FSTL5: variants seen among roughly 807,000 people sequenced by gnomAD.
FSTL5 encodes follistatin like 5.
Under a neutral mutation model 89.1 loss-of-function variants are expected in FSTL5, and 62 were observed. The ratio of observed to expected loss-of-function variants is 0.70; its 90% CI spans 0.57 to 0.86. The LOEUF (loss-of-function observed/expected upper bound fraction) is 0.86, where lower values mean the gene tolerates loss of function less well. FSTL5 is among the 40% of genes least tolerant of loss of function. The pLI, the probability that FSTL5 is intolerant of heterozygous loss-of-function variation, is 0.00. For synonymous variants in FSTL5, 383 were observed against 346.2 expected, an observed-to-expected ratio of 1.11 and a Z score of -1.18; for missense variants, 1,057 against 1,001.6, an observed-to-expected ratio of 1.06 and a Z score of -0.75.
At chr4:161,536,451 A>G (rs1301703571) in intron 10 of FSTL5, among the ~76,000 whole-genome samples, 1 of 152,142 alleles carries the variant, frequency 6.6e-6, no homozygotes, top group Non-Finnish European at 1.5e-5. Context: ...GTTATACAGA[A>G]TTCTGGCATT....
intron 2 of FSTL5, among the ~76,000 whole-genome samples, chr4:162,104,679 G>A (rs951389014): frequency 1.3e-4 from 20 of 152,158 alleles, no homozygotes; most frequent in Admixed American, 6.5e-5. Context: ...CGCTACTACT[G>A]TGAAGAATGA....
intron 7 of FSTL5, among the ~76,000 whole-genome samples, chr4:161,618,307 C>A (rs1452331159): frequency 7.3e-6 from 1 of 136,266 alleles, no homozygotes; most frequent in Admixed American, 7.8e-5. Context: ...TAATTGAATA[C>A]CTTTTATTTC....
chr4:161,509,447 C>A (rs1643658429), intron 11 of FSTL5, among the ~76,000 whole-genome samples: 1 of 151,558 alleles, frequency 6.6e-6, no homozygotes, highest in Non-Finnish European at 1.5e-5. Context: ...TTTAATAAAC[C>A]CAGGTTTTAA....
intron 4 of FSTL5, among the ~76,000 whole-genome samples, chr4:161,829,928 C>T (rs539321317): frequency 6.8e-4 from 104 of 152,038 alleles, no homozygotes; most frequent in African/African-American, 2.0e-3. Context: ...GAAAGAGCAA[C>T]CCTTAAGTTT....
At chr4:161,590,116 C>A (rs949595926) in intron 7 of FSTL5, among the ~76,000 whole-genome samples, 1 of 152,106 alleles carries the variant, frequency 6.6e-6, no homozygotes, top group Non-Finnish European at 1.5e-5. Flanking sequence ...ATATTAAAAT[C>A]TTTTGCTGCT....
intron 13 of FSTL5, among the ~76,000 whole-genome samples, chr4:161,465,784 T>A (rs1225598599): frequency 6.6e-6 from 1 of 152,206 alleles, no homozygotes; most frequent in Admixed American, 6.5e-5. Flanking sequence ...ATATTGGAAA[T>A]TTCTCTCCTA....
intron 12 of FSTL5, among the ~76,000 whole-genome samples, chr4:161,483,226 C>T (rs377445059): frequency 2.6e-5 from 4 of 152,036 alleles, no homozygotes; most frequent in East Asian, 1.9e-4. Flanking sequence ...ATCTATTTTG[C>T]GAGAAACAAA....
intron 3 of FSTL5, among the ~76,000 whole-genome samples, chr4:162,004,217 C>A (rs1221253875): frequency 1.3e-5 from 2 of 152,182 alleles, no homozygotes; most frequent in Non-Finnish European, 2.9e-5. Flanking sequence ...TCTCTTTAAA[C>A]ATTTTCCTCC....
chr4:161,984,306 A>T (rs1051995915), intron 3 of FSTL5, among the ~76,000 whole-genome samples: 1 of 151,990 alleles, frequency 6.6e-6, no homozygotes, highest in Admixed American at 6.6e-5. Flanking sequence ...TCTGCTATAG[A>T]TCTTTGCTTT....
At chr4:161,698,679 A>G (rs553507144) in intron 6 of FSTL5, among the ~76,000 whole-genome samples, 2 of 152,336 alleles carry the variant, frequency 1.3e-5, no homozygotes, top group South Asian at 4.1e-4. Flanking sequence ...CTGTAATCCC[A>G]GCACTTTGGG....
chr4:161,898,587 T>G (rs1201616247), intron 4 of FSTL5, among the ~76,000 whole-genome samples: 2 of 152,008 alleles, frequency 1.3e-5, no homozygotes, highest in Non-Finnish European at 2.9e-5. Context: ...AATGAAAAAT[T>G]TTCAGTCTCT....
intron 3 of FSTL5, among the ~76,000 whole-genome samples, chr4:161,981,596 C>T (rs1735829045): frequency 1.3e-5 from 2 of 152,114 alleles, no homozygotes. Context: ...GGGCATTATA[C>T]TTTCTTGTGT....
chr4:161,581,345 C>T (rs1383262028), intron 8 of FSTL5, among the ~76,000 whole-genome samples: 1 of 152,208 alleles, frequency 6.6e-6, no homozygotes, highest in African/African-American at 2.4e-5. Flanking sequence ...TAGCTTCTCA[C>T]TCTCTCATTT....
intron 6 of FSTL5, among the ~76,000 whole-genome samples, chr4:161,675,029 C>T (rs1737254339): frequency 6.6e-6 from 1 of 151,824 alleles, no homozygotes; most frequent in Admixed American, 6.6e-5. Context: ...TAATAGCATA[C>T]CAATAGACAT....
chr4:161,917,081 T>C (rs2110850678), intron 4 of FSTL5, among the ~76,000 whole-genome samples: 1 of 152,262 alleles, frequency 6.6e-6, no homozygotes, highest in East Asian at 1.9e-4. Context: ...GCCTCCTGAG[T>C]AGCTGGGATT....
chr4:161,683,550 A>C (rs1737599090), intron 6 of FSTL5, among the ~76,000 whole-genome samples: 2 of 152,112 alleles, frequency 1.3e-5, no homozygotes, highest in African/African-American at 4.8e-5. Context: ...CAAAAATAAA[A>C]CTATATTTAA....
chr4:161,701,263 A>C (rs1326848486), intron 6 of FSTL5, among the ~76,000 whole-genome samples: 2 of 152,206 alleles, frequency 1.3e-5, no homozygotes, highest in African/African-American at 2.4e-5. Flanking sequence ...TCAAGTATCA[A>C]GAAAGAAAAA....
chr4:162,152,974 A>C (rs984193391), intron 1 of FSTL5, among the ~76,000 whole-genome samples: 6 of 152,058 alleles, frequency 3.9e-5, no homozygotes, highest in African/African-American at 1.2e-4. Context: ...TACTTTTTTC[A>C]TGATATGTGC....
At chr4:161,416,616 G>C (rs897797810) in intron 15 of FSTL5, among the ~76,000 whole-genome samples, 1 of 152,068 alleles carries the variant, frequency 6.6e-6, no homozygotes, top group Non-Finnish European at 1.5e-5. Flanking sequence ...AGGCCCAGGT[G>C]GGGGGATCAC....
Sources: allele counts gnomAD v4.1 joint callset (sites outside exome capture counted in the v4.1 genomes callset), GRCh38; gene constraint gnomAD v4.1.1; transcripts MANE v1.5; gene names NCBI Gene and HGNC (gene_info 2026-07-23, HGNC 2026-07-21).